The following NBEA variants were observed in gnomAD, a reference collection of about 807,000 sequenced individuals.
NBEA encodes the protein neurobeachin.
Under a neutral mutation model 343.4 loss-of-function variants are expected in NBEA, and 44 were observed. The observed-to-expected ratio is 0.13, with a 90% CI of 0.10 to 0.16. The LOEUF is 0.16. Among genes scored for constraint, NBEA ranks in the 10% least tolerant of loss-of-function variants. The pLI, the probability that NBEA is intolerant of heterozygous loss-of-function variation, is 1.00. For missense variants in NBEA, 2,555 were observed against 3,631.3 expected (o/e 0.70, Z 7.62); for synonymous variants, 1,175 against 1,238.7 (o/e 0.95, Z 1.08).
intron 14 of NBEA, among the ~76,000 whole-genome samples, 165 bp downstream of exon 14, chr13:35,117,658 G>T (rs2152669151): frequency 6.6e-6 from 1 of 151,982 alleles, no homozygotes; most frequent in East Asian, 1.9e-4. Flanking sequence ...ACTAACTTCT[G>T]ATTAAATGCT....
Position 35,615,129 on chromosome 13 carries a change from C to CAAAA in NBEA, c.7449+8562_7449+8565dup, listed in dbSNP as rs34475826. Among the ~76,000 whole-genome samples, 322 of 110,940 alleles carry CAAAA rather than the reference C, an allele frequency of 2.9e-3. 5 individuals are homozygous for CAAAA. The highest frequency in any genetic ancestry group is 5.2e-3 in the Middle Eastern group (1 of 194). 72.8% of individuals were successfully genotyped at this position (110,940 alleles called of 152,430 possible). A position where few individuals can be genotyped will look rare whatever the true frequency, so the allele number is the denominator to read the frequency against. On this transcript the variant is annotated intron_variant, in intron 48 of 58. Coordinates refer to ENST00000379939, the MANE Select transcript of NBEA (RefSeq NM_001385012.1). ...TGAAACCCCATCTCTACTAAAAATA[C>CAAAA]AAAAAAAAAAAAAACAAAAAAAAAT... is the stretch of plus-strand genomic sequence containing the variant.
chr13:35,550,889 C>A, intron 42 of NBEA, 41 bp from the exon 43 acceptor site: 1 of 1,259,144 alleles, frequency 7.9e-7, no homozygotes, highest in Non-Finnish European at 1.1e-6. Flanking sequence ...CTAACTTATC[C>A]TGCGGTTTTC....
At chr13:35,308,458 A>G (rs1275622670) in intron 35 of NBEA, among the ~76,000 whole-genome samples, 5 of 118,466 alleles carry the variant, frequency 4.2e-5, no homozygotes, top group African/African-American at 2.0e-4. Context: ...ATATATATAT[A>G]TATATATATA....
At chr13:34,990,323 A>G (rs1394041128) in intron 1 of NBEA, among the ~76,000 whole-genome samples, 1 of 151,170 alleles carries the variant, frequency 6.6e-6, no homozygotes, top group African/African-American at 2.4e-5. Flanking sequence ...GACTTCTGCC[A>G]GGATATCCAG....
chr13:35,072,500 A>G (rs1566240692), intron 10 of NBEA, among the ~76,000 whole-genome samples: 1 of 151,966 alleles, frequency 6.6e-6, no homozygotes, highest in South Asian at 2.1e-4. Flanking sequence ...ATATTTCCCT[A>G]TATTAACTAA....
intron 8 of NBEA, among the ~76,000 whole-genome samples, chr13:35,066,674 G>T (rs944196880): frequency 2.6e-5 from 4 of 151,398 alleles, no homozygotes; most frequent in Admixed American, 1.3e-4. Flanking sequence ...TTTTATCTTT[G>T]AATATTCTAT....
intron 44 of NBEA, among the ~76,000 whole-genome samples, chr13:35,561,912 T>C (rs2079873739): frequency 6.6e-6 from 1 of 152,146 alleles, no homozygotes; most frequent in Non-Finnish European, 1.5e-5. Flanking sequence ...TGTTTTATTC[T>C]ATTTATAAAT....
intron 1 of NBEA, among the ~76,000 whole-genome samples, chr13:35,012,173 A>G (rs1457749593): frequency 6.6e-6 from 1 of 152,222 alleles, no homozygotes; most frequent in Non-Finnish European, 1.5e-5. Context: ...ATTGGCTCAC[A>G]GTTTTGGAAG....
intron 38 of NBEA, among the ~76,000 whole-genome samples, chr13:35,419,992 A>C (rs1191210418): frequency 1.3e-5 from 2 of 152,072 alleles, no homozygotes; most frequent in African/African-American, 2.4e-5. Flanking sequence ...GACCTTGCTT[A>C]ACTCAGTCCT....
chr13:35,079,962 T>C (rs1369966863), intron 10 of NBEA, among the ~76,000 whole-genome samples: 1 of 152,152 alleles, frequency 6.6e-6, no homozygotes, highest in African/African-American at 2.4e-5. Flanking sequence ...TTCTATAGTA[T>C]AGGTACCCAT....
chr13:34,980,851 T>C lies in NBEA; in HGVS notation c.294+37737T>C, dbSNP rs182533183. On this transcript the variant is annotated intron_variant, in intron 1 of 58. Coordinates refer to ENST00000379939, the MANE Select transcript of NBEA (RefSeq NM_001385012.1). The stretch of plus-strand genomic sequence containing the variant: ...TTGTCGGATGATTTTTCTACATTGA[T>C]TGAAGTGCCCCTATGTATTTCTCCT... Among the ~76,000 whole-genome samples, 10 of 152,314 alleles carry C rather than the reference T, an allele frequency of 6.6e-5. No individual in the cohort carries two copies. The East Asian group carries it at 1.9e-3, about 29-fold the overall frequency.
intron 34 of NBEA, among the ~76,000 whole-genome samples, chr13:35,240,359 T>C (rs9565118): frequency 0.83 from 126,385 of 151,782 alleles, 52,847 homozygotes; most frequent in South Asian, 0.94. Context: ...TTAGCACCCT[T>C]TAAGAATTTA....
chr13:35,418,109 C>G (rs1421371850), intron 38 of NBEA, among the ~76,000 whole-genome samples: 1 of 152,042 alleles, frequency 6.6e-6, no homozygotes, highest in Non-Finnish European at 1.5e-5. Flanking sequence ...CTTTCTCCAT[C>G]CCTTTATTTT....
intron 39 of NBEA, among the ~76,000 whole-genome samples, chr13:35,443,705 G>T (rs897199806): frequency 2.6e-5 from 4 of 151,934 alleles, no homozygotes; most frequent in Non-Finnish European, 4.4e-5. Context: ...TTGATAAAGT[G>T]AGGCTTCTGA....
intron 55 of NBEA, among the ~76,000 whole-genome samples, chr13:35,659,003 T>G (rs2084946271): frequency 6.6e-6 from 1 of 152,200 alleles, no homozygotes; most frequent in Non-Finnish European, 1.5e-5. Context: ...AAAGAGATTT[T>G]CTTCTGTTCC....
chr13:35,092,507 C>T (rs1486021992), intron 10 of NBEA, among the ~76,000 whole-genome samples: 1 of 151,948 alleles, frequency 6.6e-6, no homozygotes, highest in Non-Finnish European at 1.5e-5. Context: ...AAAGGACTTT[C>T]AGTCCTTAAC....
intron 1 of NBEA, among the ~76,000 whole-genome samples, chr13:34,995,138 A>AGT (rs2060894006): frequency 6.6e-6 from 1 of 152,198 alleles, no homozygotes; most frequent in Admixed American, 6.5e-5. Context: ...AGGTAAACCA[A>AGT]GTAAGCATTA....
rs190541771 is a variant in NBEA, at chr13:35,057,983, G to A, written c.1093-734G>A. Among the ~76,000 whole-genome samples, 24 of 151,824 alleles carry A rather than the reference G, an allele frequency of 1.6e-4. 1 individual carries two copies. The East Asian group carries it at 4.5e-3, about 28-fold the overall frequency. On this transcript the variant is annotated intron_variant, in intron 7 of 58. Transcript: ENST00000379939. ...TTACATATATAATTTTTGCTTATTCGTTCTAAGGTGTGAAATAGCCTGTGG... is the reference window on the plus strand; with the variant it reads ...TTACATATATAATTTTTGCTTATTCATTCTAAGGTGTGAAATAGCCTGTGG...
chr13:35,484,231 AATAT>A (rs1298375857), intron 41 of NBEA, among the ~76,000 whole-genome samples: 1 of 108,236 alleles, frequency 9.2e-6, no homozygotes, highest in African/African-American at 3.3e-5. Flanking sequence ...TACCTACATT[AATAT>A]GTGTGTGTGT....
Sources: gnomAD v4.1 joint callset for allele counts (sites outside exome capture counted in the v4.1 genomes callset) on GRCh38, gnomAD v4.1.1 for gene constraint, MANE v1.5 for transcripts, NCBI Gene and HGNC (gene_info 2026-07-23, HGNC 2026-07-21) for gene names.